DIAPH3: variants seen among roughly 807,000 people sequenced by gnomAD.
The protein encoded by DIAPH3 is protein diaphanous homolog 3.
A neutral mutation model predicts 144.3 loss-of-function variants in DIAPH3; 117 were observed. That is an observed-to-expected ratio of 0.81 (90% CI 0.70 to 0.95). The LOEUF (loss-of-function observed/expected upper bound fraction) is 0.95, where lower values mean the gene tolerates loss of function less well. Ranked by LOEUF, DIAPH3 falls within the 40% of genes least tolerant of loss-of-function variation. The probability of loss-of-function intolerance (pLI) is 0.00; values close to 1 mark genes in which losing one functional copy is unlikely to be tolerated. For synonymous variants in DIAPH3, 519 were observed against 488.9 expected (o/e 1.06, Z -0.81); for missense variants, 1,421 against 1,412.7 (o/e 1.01, Z -0.09).
At chr13:60,138,754 G>GGAAGGA (rs71773510) in intron 1 of DIAPH3, among the ~76,000 whole-genome samples, 2 of 121,982 alleles carry the variant, frequency 1.6e-5, no homozygotes, top group Non-Finnish European at 3.4e-5. Context: ...CTAACAGGAA[G>GGAAGGA]GAAGGAGAAG....
At chr13:59,918,944 CAAAAAAA>C in intron 18 of DIAPH3, among the ~76,000 whole-genome samples, 1 of 117,484 alleles carries the variant, frequency 8.5e-6, no homozygotes, top group East Asian at 2.8e-4. Flanking sequence ...CAAGAAAATA[CAAAAAAA>C]AAAAAAAAAA....
chr13:60,086,525 T>G (rs1355835785), intron 4 of DIAPH3, among the ~76,000 whole-genome samples: 1 of 152,112 alleles, frequency 6.6e-6, no homozygotes, highest in Non-Finnish European at 1.5e-5. Flanking sequence ...ATACATCTAA[T>G]GTCAATCACA....
chr13:59,825,771 T>C (rs2139670166), intron 24 of DIAPH3, among the ~76,000 whole-genome samples: 1 of 152,306 alleles, frequency 6.6e-6, no homozygotes, highest in African/African-American at 2.4e-5. Flanking sequence ...TTGATTTGCA[T>C]TTCTCTGATG....
chr13:59,925,416 A>G (rs1052563207), intron 17 of DIAPH3, among the ~76,000 whole-genome samples: 1 of 152,084 alleles, frequency 6.6e-6, no homozygotes, highest in Non-Finnish European at 1.5e-5. Flanking sequence ...ATTTGATCAT[A>G]CTGTATTATC....
chr13:59,864,572 C>T (rs2043804328), intron 21 of DIAPH3, among the ~76,000 whole-genome samples: 1 of 152,024 alleles, frequency 6.6e-6, no homozygotes, highest in South Asian at 2.1e-4. Context: ...ATTAACGTAT[C>T]AAGAAATCTC....
chr13:60,144,555 T>C (rs1382563625), intron 1 of DIAPH3: 1 of 152,166 alleles, frequency 6.6e-6, no homozygotes, highest in Non-Finnish European at 1.5e-5. Flanking sequence ...AGGCAGAATA[T>C]AAACCCAAGC....
chr13:59,851,145 G>A (rs11840881), intron 22 of DIAPH3, among the ~76,000 whole-genome samples: 1 of 152,006 alleles, frequency 6.6e-6, no homozygotes, highest in Non-Finnish European at 1.5e-5. Context: ...CTGGCAAACC[G>A]AATCCAGTAG....
At position 59,916,257 on chromosome 13, in the gene DIAPH3, G is replaced by A. The variant is rs2047215403; in HGVS notation, c.2171-8C>T. ...AAGAGCTCAGGAAGATTGCTAAGAAGGAGAAAGAGAGAAAGGTTTATAATG... is the reference window on the plus strand; with the variant it reads ...AAGAGCTCAGGAAGATTGCTAAGAAAGAGAAAGAGAGAAAGGTTTATAATG... On this transcript the variant is annotated splice_polypyrimidine_tract_variant and splice_region_variant and intron_variant, in intron 18 of 27. Transcript: ENST00000400324. 22 of 1,606,998 alleles carry A rather than the reference G, an allele frequency of 1.4e-5. No homozygotes were observed. The highest frequency in any genetic ancestry group is 1.9e-5 in the Non-Finnish European group (22 of 1,173,912).
chr13:60,082,916 T>C (rs1460147044), intron 4 of DIAPH3, among the ~76,000 whole-genome samples: 1 of 152,148 alleles, frequency 6.6e-6, no homozygotes, highest in East Asian at 1.9e-4. Flanking sequence ...ACAGAACATA[T>C]GCAAAATAAA....
At chr13:60,105,125 A>AAAAAAAAC (rs2058383698) in intron 3 of DIAPH3, among the ~76,000 whole-genome samples, 6 of 148,538 alleles carry the variant, frequency 4.0e-5, no homozygotes, top group African/African-American at 1.2e-4. Flanking sequence ...AAAAAAAAAA[A>AAAAAAAAC]CTGCCAGTGA....
intron 17 of DIAPH3, among the ~76,000 whole-genome samples, chr13:59,952,064 T>C (rs2049125372): frequency 6.6e-6 from 1 of 152,198 alleles, no homozygotes; most frequent in Non-Finnish European, 1.5e-5. Flanking sequence ...CAATGGAATA[T>C]TATTCAACCA....
At chr13:59,889,727 T>C (rs771011546) in intron 20 of DIAPH3, among the ~76,000 whole-genome samples, 8 of 152,128 alleles carry the variant, frequency 5.3e-5, no homozygotes, top group South Asian at 2.1e-4. Context: ...TAATATCCCA[T>C]TGAAAACTAT....
intron 27 of DIAPH3, among the ~76,000 whole-genome samples, chr13:59,746,513 T>C (rs1324375453): frequency 4.6e-5 from 7 of 152,000 alleles, no homozygotes; most frequent in African/African-American, 1.5e-4. Flanking sequence ...TGTGAGCCAC[T>C]GCAACCAGCA....
chr13:59,698,933 A>T (rs2033956383), intron 27 of DIAPH3, among the ~76,000 whole-genome samples: 1 of 152,228 alleles, frequency 6.6e-6, no homozygotes, highest in Non-Finnish European at 1.5e-5. Context: ...TTTTGGTATT[A>T]AAACATGCTA....
At position 59,903,381 on chromosome 13, in the gene DIAPH3, G is replaced by A. The variant is rs115768906; in HGVS notation, c.2367+8354C>T. ...ATCTTGGTCAATGTTTTTTATAAGT[G>A]TTTCAGTAAGCCATGATTCTTATAC... is the stretch of plus-strand genomic sequence containing the variant. On this transcript the variant is annotated intron_variant, in intron 20 of 27. Coordinates refer to ENST00000400324, the MANE Select transcript of DIAPH3 (RefSeq NM_001042517.2). 2.6e-3 allele frequency among the ~76,000 whole-genome samples: 400 copies of A among 152,192 alleles called. 2 individuals carry two copies. Among genetic ancestry groups the A allele is most frequent in the African/African-American group, 9.0e-3 (374 of 41,528 alleles).
At chr13:60,037,582 A>C (rs540581668) in intron 5 of DIAPH3, among the ~76,000 whole-genome samples, 1 of 152,150 alleles carries the variant, frequency 6.6e-6, no homozygotes, top group East Asian at 1.9e-4. Context: ...AAAATAAAAT[A>C]AGAAATTAAA....
intron 24 of DIAPH3, among the ~76,000 whole-genome samples, chr13:59,825,210 C>G (rs1198546457): frequency 6.6e-6 from 1 of 151,992 alleles, no homozygotes; most frequent in African/African-American, 2.4e-5. Flanking sequence ...ACAACAGTCC[C>G]CAGAGTGTGA....
At chr13:59,873,256 C>T (rs906668815) in intron 21 of DIAPH3, among the ~76,000 whole-genome samples, 2 of 152,022 alleles carry the variant, frequency 1.3e-5, no homozygotes, top group African/African-American at 4.8e-5. Context: ...ATTTTGCCAA[C>T]CTAATAAAGA....
intron 4 of DIAPH3, among the ~76,000 whole-genome samples, chr13:60,060,435 A>G (rs2056721125): frequency 6.6e-6 from 1 of 152,098 alleles, no homozygotes; most frequent in Admixed American, 6.6e-5. Context: ...CAATAAGCAA[A>G]TATTCTCTTT....
Sources: gnomAD v4.1 joint callset for allele counts (sites outside exome capture counted in the v4.1 genomes callset) on GRCh38, gnomAD v4.1.1 for gene constraint, MANE v1.5 for transcripts, NCBI Gene and HGNC (gene_info 2026-07-23, HGNC 2026-07-21) for gene names.